The following PPP1R9A variants were observed in gnomAD, a reference collection of about 807,000 sequenced individuals.
PPP1R9A encodes protein phosphatase 1 regulatory subunit 9A.
Under a neutral mutation model 141.9 loss-of-function variants are expected in PPP1R9A, and 59 were observed. The observed-to-expected ratio is 0.42, with a 90% CI of 0.34 to 0.52. The LOEUF (loss-of-function observed/expected upper bound fraction) is 0.52. Ranked by LOEUF, PPP1R9A falls within the 20% of genes least tolerant of loss-of-function variation. PPP1R9A has a pLI of 0.10. For synonymous variants in PPP1R9A, 500 were observed against 569.7 expected, an observed-to-expected ratio of 0.88 and a Z score of 1.74; for missense variants, 1,444 against 1,611.9, an observed-to-expected ratio of 0.90 and a Z score of 1.78.
chr7:94,966,821 TG>T (rs1798270166), intron 2 of PPP1R9A, among the ~76,000 whole-genome samples: 1 of 152,238 alleles, frequency 6.6e-6, no homozygotes, highest in African/African-American at 2.4e-5. Flanking sequence ...AGGATGATGC[TG>T]GCCTCATAAA....
chr7:95,115,115 G>A (rs904366550), intron 3 of PPP1R9A, among the ~76,000 whole-genome samples: 1 of 151,770 alleles, frequency 6.6e-6, no homozygotes. Flanking sequence ...AGTAAAATAA[G>A]GTAATACAAA....
intron 2 of PPP1R9A, among the ~76,000 whole-genome samples, chr7:95,006,780 G>T (rs745463586): frequency 6.6e-6 from 1 of 151,980 alleles, no homozygotes; most frequent in Non-Finnish European, 1.5e-5. Context: ...GGGTTTATTT[G>T]CTAATAGCCT....
At chr7:95,261,238 G>T (rs560426900) in intron 12 of PPP1R9A, among the ~76,000 whole-genome samples, 8 of 152,304 alleles carry the variant, frequency 5.3e-5, no homozygotes, top group African/African-American at 1.9e-4. Flanking sequence ...CATCTGTAAA[G>T]TTAAAACTGA....
chr7:95,101,983 C>A (rs1175246921), intron 2 of PPP1R9A, among the ~76,000 whole-genome samples: 1 of 152,112 alleles, frequency 6.6e-6, no homozygotes, highest in East Asian at 1.9e-4. Flanking sequence ...TGGGGTATCC[C>A]TCAGAAACCT....
chr7:95,017,515 T>C (rs1250094909), intron 2 of PPP1R9A, among the ~76,000 whole-genome samples: 1 of 152,004 alleles, frequency 6.6e-6, no homozygotes, highest in African/African-American at 2.4e-5. Flanking sequence ...CATAAAATAC[T>C]TGGGTATAAA....
intron 5 of PPP1R9A, chr7:95,174,803 T>C (rs1195610320): frequency 6.6e-6 from 1 of 152,186 alleles, no homozygotes; most frequent in East Asian, 1.9e-4. Flanking sequence ...TGCAACATAA[T>C]TTTTGAAAAC....
At chr7:95,206,501 G>A (rs1790827173) in intron 7 of PPP1R9A, among the ~76,000 whole-genome samples, 1 of 152,026 alleles carries the variant, frequency 6.6e-6, no homozygotes, top group African/African-American at 2.4e-5. Context: ...AATTTTAAGT[G>A]TATTTAAGTT....
chr7:94,994,141 G>A (rs1344805648), intron 2 of PPP1R9A, among the ~76,000 whole-genome samples: 1 of 151,872 alleles, frequency 6.6e-6, no homozygotes, highest in Non-Finnish European at 1.5e-5. Context: ...TCATAGGTGC[G>A]ATGAACAAAT....
At chr7:95,035,120 A>G (rs1019362045) in intron 2 of PPP1R9A, among the ~76,000 whole-genome samples, 1 of 152,222 alleles carries the variant, frequency 6.6e-6, no homozygotes, top group Non-Finnish European at 1.5e-5. Context: ...TGAAGCATCA[A>G]AAGACTAATT....
At chr7:95,174,611 G>GTGATAC (rs1398583055) in intron 5 of PPP1R9A, among the ~76,000 whole-genome samples, 1 of 152,138 alleles carries the variant, frequency 6.6e-6, no homozygotes, top group African/African-American at 2.4e-5. Flanking sequence ...GATAGTGATA[G>GTGATAC]TGATGTGAAA....
intron 2 of PPP1R9A, among the ~76,000 whole-genome samples, chr7:95,097,089 C>T (rs370810718): frequency 1.3e-5 from 2 of 151,756 alleles, no homozygotes; most frequent in Admixed American, 6.6e-5. Context: ...TGCAGTGGTG[C>T]GATCTTGTCT....
At position 95,064,322 on chromosome 7, in the gene PPP1R9A, C is replaced by A. The variant is rs140177392; in HGVS notation, c.1396-46937C>A. On this transcript the variant is annotated intron_variant, in intron 2 of 19. Transcript: ENST00000433360. ...GGCTAGTATACTGCTATAGCTCATA[C>A]CTGAATGAAGCTTATTTGATACGAA... Among the ~76,000 whole-genome samples the A allele has an allele frequency of 3.9e-3, 598 of 152,220 alleles. 23 individuals carry two copies. The highest frequency in any genetic ancestry group is 0.038 in the East Asian group (195 of 5,176).
chr7:95,068,473 G>GAAAAA (rs36043693), intron 2 of PPP1R9A, among the ~76,000 whole-genome samples: 7 of 94,162 alleles, frequency 7.4e-5, no homozygotes, highest in African/African-American at 2.0e-4. Flanking sequence ...CTTGTCTCAA[G>GAAAAA]AAAAAAAAAA....
intron 2 of PPP1R9A, among the ~76,000 whole-genome samples, chr7:95,082,766 CTTTTTT>C (rs1159814204): frequency 4.6e-5 from 5 of 109,508 alleles, no homozygotes; most frequent in Non-Finnish European, 7.0e-5. Flanking sequence ...GAAGGGATTT[CTTTTTT>C]TTTTTTTTTT....
At chr7:95,238,492 T>C (rs1468634133) in intron 8 of PPP1R9A, among the ~76,000 whole-genome samples, 1 of 152,168 alleles carries the variant, frequency 6.6e-6, no homozygotes, top group African/African-American at 2.4e-5. Flanking sequence ...TGTACTCTCC[T>C]GCTTCAGATC....
intron 12 of PPP1R9A, among the ~76,000 whole-genome samples, chr7:95,256,282 A>C (rs2153019570): frequency 6.6e-6 from 1 of 152,262 alleles, no homozygotes; most frequent in Non-Finnish European, 1.5e-5. Flanking sequence ...ATATATGACT[A>C]ACTTGAGTCT....
chr7:95,055,139 C>T (rs1434122309), intron 2 of PPP1R9A, among the ~76,000 whole-genome samples: 1 of 152,082 alleles, frequency 6.6e-6, no homozygotes, highest in African/African-American at 2.4e-5. Context: ...ATGTGCATTG[C>T]TCATTTTGCC....
At chr7:94,958,077 C>G (rs1417833056) in intron 2 of PPP1R9A, among the ~76,000 whole-genome samples, 2 of 152,010 alleles carry the variant, frequency 1.3e-5, no homozygotes, top group Non-Finnish European at 2.9e-5. Flanking sequence ...ACAAGACATA[C>G]TTTGTATTTT....
intron 2 of PPP1R9A, among the ~76,000 whole-genome samples, chr7:94,967,728 G>A (rs563866693): frequency 6.6e-6 from 1 of 152,122 alleles, no homozygotes; most frequent in African/African-American, 2.4e-5. Context: ...TCTTGAGTGA[G>A]TTTCTTAATC....
Sources: allele counts gnomAD v4.1 joint callset (sites outside exome capture counted in the v4.1 genomes callset), GRCh38; gene constraint gnomAD v4.1.1; transcripts MANE v1.5; gene names NCBI Gene and HGNC (gene_info 2026-07-23, HGNC 2026-07-21).